FMO5: variants seen among roughly 807,000 people sequenced by gnomAD.
FMO5 encodes the protein flavin-containing monooxygenase 5.
FMO5 carries 51 observed loss-of-function variants against 43.6 expected under a neutral mutation model. The observed-to-expected ratio is 1.17, with a 90% CI of 0.93 to 1.48. The LOEUF (loss-of-function observed/expected upper bound fraction) is 1.48, where lower values mean the gene tolerates loss of function less well. FMO5 is among the 40% of genes most tolerant of loss of function. The pLI is 0.00. For synonymous variants in FMO5, 187 were observed against 216.5 expected (o/e 0.86, Z 1.20); for missense variants, 644 against 643.0 (o/e 1.00, Z -0.02).
At chr1:147,185,970 A>G (rs373562504), downstream of FMO5, among the ~76,000 whole-genome samples, 3 of 152,204 alleles carry the variant, frequency 2.0e-5, no homozygotes, top group South Asian at 6.2e-4. Context: ...TTCTAATTTA[A>G]TACATAAATG....
chr1:147,221,844 G>A (rs1276972656), intron 2 of FMO5, among the ~76,000 whole-genome samples: 9 of 152,126 alleles, frequency 5.9e-5, no homozygotes, highest in Non-Finnish European at 1.0e-4. Context: ...CAAATCCTTC[G>A]AAACACCTGA....
Position 147,196,359 on chromosome 1 carries a change from CAAAAT to C in FMO5, c.1183+4788_1183+4792del, listed in dbSNP as rs1658000147. 3.3e-5 allele frequency among the ~76,000 whole-genome samples: 5 copies of C among 152,128 alleles called. No individual in the cohort carries two copies. In the South Asian group the frequency reaches 1.0e-3, roughly 32 times the overall value. The stretch of plus-strand genomic sequence containing the variant: ...TTAATCATAGGTCTCTTCGGATACT[CAAAAT>C]AAGCGTTTTGAGAGTCAATTTCCAA... On this transcript the variant is annotated intron_variant, in intron 7 of 8. Coordinates refer to ENST00000254090, the MANE Select transcript of FMO5 (RefSeq NM_001461.4).
chr1:147,216,960 G>C (rs1319239091), intron 2 of FMO5, among the ~76,000 whole-genome samples: 2 of 152,162 alleles, frequency 1.3e-5, no homozygotes, highest in African/African-American at 4.8e-5. Context: ...TCCTATTGAG[G>C]CCGGGCGTGG....
chr1:147,218,038 A>G (rs1662315547), intron 2 of FMO5, among the ~76,000 whole-genome samples: 1 of 152,250 alleles, frequency 6.6e-6, no homozygotes, highest in South Asian at 2.1e-4. Flanking sequence ...AAACTAATAA[A>G]ATACATCAAC....
At chr1:147,189,608 C>A (rs1220286791) in intron 8 of FMO5, among the ~76,000 whole-genome samples, 1 of 152,120 alleles carries the variant, frequency 6.6e-6, no homozygotes, top group Non-Finnish European at 1.5e-5. Flanking sequence ...AGCGATTGAG[C>A]TTAAGTTCTG....
chr1:147,200,464 G>T (rs1321480892), intron 7 of FMO5, among the ~76,000 whole-genome samples: 1 of 152,072 alleles, frequency 6.6e-6, no homozygotes, highest in Non-Finnish European at 1.5e-5. Flanking sequence ...GTATCATTAG[G>T]TGTGGTCTGG....
At chr1:147,189,479 A>C (rs587751868) in intron 8 of FMO5, among the ~76,000 whole-genome samples, 16 of 152,258 alleles carry the variant, frequency 1.1e-4, no homozygotes, top group African/African-American at 3.9e-4. Context: ...AAAGTTATGC[A>C]AGTATCATCA....
chr1:147,219,761 A>T (rs979783256), intron 2 of FMO5, among the ~76,000 whole-genome samples: 1 of 151,818 alleles, frequency 6.6e-6, no homozygotes, highest in Non-Finnish European at 1.5e-5. Context: ...AAGTAAGAAA[A>T]AAAGAAAAAA....
chr1:147,192,168 G>C (rs1441928097), intron 7 of FMO5, among the ~76,000 whole-genome samples: 1 of 151,958 alleles, frequency 6.6e-6, no homozygotes, highest in African/African-American at 2.4e-5. Context: ...CCATTTCTTT[G>C]TATCCTCTTT....
intron 7 of FMO5, among the ~76,000 whole-genome samples, chr1:147,200,593 C>CT (rs67581665): frequency 0.92 from 137,807 of 149,876 alleles, 63,369 homozygotes; most frequent in East Asian, 0.98. Flanking sequence ...ACCTATTCCC[C>CT]TTTTTTTTTC....
intron 2 of FMO5, among the ~76,000 whole-genome samples, chr1:147,218,562 C>A (rs1210660086): frequency 1.3e-5 from 2 of 152,130 alleles, no homozygotes; most frequent in Non-Finnish European, 2.9e-5. Flanking sequence ...ACCTTCCACA[C>A]CACTCCATGG....
At position 147,189,426 on chromosome 1, in the gene FMO5, G is replaced by A. The variant is rs28381220; in HGVS notation, c.1256+751C>T. 4.4e-3 allele frequency among the ~76,000 whole-genome samples: 662 copies of A among 152,160 alleles called. 10 individuals are homozygous for A. In the East Asian group the frequency reaches 0.044, roughly 10 times the overall value. On this transcript the variant is annotated intron_variant, in intron 8 of 8. Transcript: ENST00000254090. ...TAGGAGAGCACCTGGAAGTTGTAAC[G>A]GAATTAAATAAAAACTTACTTTCTC...
chr1:147,221,981 C>T (rs1414771201), intron 2 of FMO5, among the ~76,000 whole-genome samples: 1 of 152,166 alleles, frequency 6.6e-6, no homozygotes, highest in East Asian at 1.9e-4. Context: ...CAATTTTCTA[C>T]CATTGATGAA....
In FMO5 at chr1:147,224,764, C is replaced by T. The variant is rs1663712261; in HGVS notation, c.135+131G>A. ...TGACCTCGTGATCCGCCCGCCTCGG[C>T]CTCCCAAAGTGCTAGGATTACAGGC... On this transcript the variant is annotated intron_variant, in intron 2 of 8. Coordinates refer to ENST00000254090, the MANE Select transcript of FMO5 (RefSeq NM_001461.4). The T allele has an allele frequency of 6.4e-6, 5 of 783,924 alleles. No homozygotes were observed. The East Asian group carries it at 1.3e-4, about 20-fold the overall frequency. 48.6% of individuals were successfully genotyped at this position (783,924 alleles called of 1,614,324 possible).
At chr1:147,203,796 A>T in intron 6 of FMO5, 2 of 1,546,940 alleles carry the variant, frequency 1.3e-6, no homozygotes, top group South Asian at 2.2e-5. Flanking sequence ...TTGTCTGTAG[A>T]GCCCCGAAGT....
intron 6 of FMO5, among the ~76,000 whole-genome samples, chr1:147,202,309 G>GTCTTTTT (rs1659115947): frequency 8.4e-6 from 1 of 118,434 alleles, no homozygotes; most frequent in Non-Finnish European, 1.7e-5. Flanking sequence ...CTAAAAAGCA[G>GTCTTTTT]TTCTTTTTTT....
chr1:147,213,491 C>T, intron 3 of FMO5, 21 bp from the exon 4 acceptor site: 1 of 1,576,610 alleles, frequency 6.3e-7, no homozygotes, highest in Non-Finnish European at 8.6e-7. Flanking sequence ...AAGTGATAAC[C>T]ACAGGGGACA....
chr1:147,211,075 T>C (rs1184924015), intron 5 of FMO5: 1 of 152,238 alleles, frequency 6.6e-6, no homozygotes, highest in Admixed American at 6.5e-5. Context: ...CAGCTTGGAT[T>C]AGTGGTGTGA....
At chr1:147,206,944 A>G (rs1475956905) in intron 6 of FMO5, among the ~76,000 whole-genome samples, 6 of 151,944 alleles carry the variant, frequency 3.9e-5, no homozygotes, top group Admixed American at 3.9e-4. Flanking sequence ...AAAAATATAT[A>G]TATATAAAAA....
Sources: allele counts gnomAD v4.1 joint callset (sites outside exome capture counted in the v4.1 genomes callset), GRCh38; gene constraint gnomAD v4.1.1; transcripts MANE v1.5; gene names NCBI Gene and HGNC (gene_info 2026-07-23, HGNC 2026-07-21).